MCPH1: variants seen among roughly 807,000 people sequenced by gnomAD.
The protein encoded by MCPH1 is microcephalin 1, also known as microcephalin.
A neutral mutation model predicts 84.5 loss-of-function variants in MCPH1; 104 were observed. That is an observed-to-expected ratio of 1.23 (90% CI 1.05 to 1.45). The LOEUF is 1.45. Ranked by LOEUF, MCPH1 falls within the 40% of genes most tolerant of loss-of-function variation. The pLI, the probability that MCPH1 is intolerant of heterozygous loss-of-function variation, is 0.00. For missense variants in MCPH1, 1,498 were observed against 1,005.7 expected (o/e 1.49, Z -6.62); for synonymous variants, 514 against 366.8 (o/e 1.40, Z -4.58).
At chr8:6,639,660 CTCTT>C (rs1402001428) in intron 13 of MCPH1, among the ~76,000 whole-genome samples, 1 of 147,212 alleles carries the variant, frequency 6.8e-6, no homozygotes, top group Non-Finnish European at 1.5e-5. Flanking sequence ...AAGATCCTGT[CTCTT>C]TAAAAAAAAA....
At chr8:6,446,923 G>A in intron 8 of MCPH1, 1 of 985,374 alleles carries the variant, frequency 1.0e-6, no homozygotes, top group South Asian at 4.7e-5. Context: ...AGTAGAAGGG[G>A]GTGAGGGGCC....
intron 4 of MCPH1, among the ~76,000 whole-genome samples, chr8:6,433,144 T>C (rs1297142616): frequency 1.3e-5 from 2 of 152,246 alleles, no homozygotes. Context: ...TACTCAGTTT[T>C]CTGTATTGCA....
At chr8:6,514,170 C>T (rs1431461764) in intron 12 of MCPH1, among the ~76,000 whole-genome samples, 1 of 152,098 alleles carries the variant, frequency 6.6e-6, no homozygotes, top group Non-Finnish European at 1.5e-5. Flanking sequence ...ATGCTGAGTC[C>T]ACCTTTAAAA....
At chr8:6,558,911 G>C (rs1033230561) in intron 12 of MCPH1, among the ~76,000 whole-genome samples, 1 of 151,806 alleles carries the variant, frequency 6.6e-6, no homozygotes, top group Non-Finnish European at 1.5e-5. Flanking sequence ...TATCGCATAA[G>C]AGATACAGTA....
At chr8:6,428,740 C>CGCAT (rs1801420200) in intron 3 of MCPH1, among the ~76,000 whole-genome samples, 3 of 144,234 alleles carry the variant, frequency 2.1e-5, no homozygotes, top group Non-Finnish European at 4.5e-5. Flanking sequence ...TGGACACGTG[C>CGCAT]GCACGCACAC....
At chr8:6,502,231 A>G (rs762033126) in intron 12 of MCPH1, 1 of 152,182 alleles carries the variant, frequency 6.6e-6, no homozygotes, top group African/African-American at 2.4e-5. Flanking sequence ...ACAAGGCACA[A>G]TTAGGTCTTT....
chr8:6,632,509 C>T (rs1176336243), intron 13 of MCPH1, among the ~76,000 whole-genome samples: 1 of 152,052 alleles, frequency 6.6e-6, no homozygotes, highest in Non-Finnish European at 1.5e-5. Flanking sequence ...CATTTGTAAA[C>T]AAGTACATAA....
chr8:6,562,616 G>T, intron 12 of MCPH1: 1 of 1,197,468 alleles, frequency 8.4e-7, no homozygotes, highest in Non-Finnish European at 1.1e-6. Context: ...TTAATAGCAT[G>T]TTCACAAAGA....
chr8:6,540,510 A>T (rs1473841577), intron 12 of MCPH1, among the ~76,000 whole-genome samples: 1 of 152,244 alleles, frequency 6.6e-6, no homozygotes, highest in African/African-American at 2.4e-5. Flanking sequence ...GTGAGCGTGC[A>T]GCCTCATGGC....
chr8:6,643,282 T>C lies in MCPH1; in HGVS notation c.*233T>C. 1.9e-6 allele frequency: 1 copy of C among 536,164 alleles called. No individual in the cohort carries two copies. The highest frequency in any genetic ancestry group is 3.2e-5 in the Admixed American group (1 of 31,538). The allele number at this position is 536,164 out of a possible 1,614,324, so 33.2% of individuals were successfully genotyped here. On this transcript the variant is annotated 3_prime_UTR_variant, in exon 14 of 14. Transcript: ENST00000344683. ...TATTTTTATTTTATTTTTTATTTTT[T>C]GAGACGGAGTCCTGCCCTGTTTCCC... is the stretch of plus-strand genomic sequence containing the variant.
chr8:6,590,246 C>G (rs1828344840), intron 12 of MCPH1, among the ~76,000 whole-genome samples: 1 of 151,398 alleles, frequency 6.6e-6, no homozygotes. Flanking sequence ...AATCATTACA[C>G]ATAGAAATAA....
At chr8:6,594,220 A>T (rs993434821) in intron 12 of MCPH1, among the ~76,000 whole-genome samples, 1 of 152,220 alleles carries the variant, frequency 6.6e-6, no homozygotes, top group Non-Finnish European at 1.5e-5. Context: ...AGCATTCCTT[A>T]TGCTGGTCCT....
At chr8:6,421,907 C>A (rs1019025438) in intron 3 of MCPH1, among the ~76,000 whole-genome samples, 1 of 152,194 alleles carries the variant, frequency 6.6e-6, no homozygotes, top group African/African-American at 2.4e-5. Context: ...AGTTCTTGGC[C>A]TGTGCTGAGA....
intron 9 of MCPH1, among the ~76,000 whole-genome samples, chr8:6,470,819 G>C (rs1002152835): frequency 6.6e-6 from 1 of 152,204 alleles, no homozygotes; most frequent in African/African-American, 2.4e-5. Context: ...ATGTAAAGAG[G>C]GTTGTTAAAC....
chr8:6,590,314 G>A (rs1045848997), intron 12 of MCPH1, among the ~76,000 whole-genome samples: 1 of 152,104 alleles, frequency 6.6e-6, no homozygotes, highest in South Asian at 2.1e-4. Context: ...TGTCCTAAAT[G>A]TGCGTTGGCC....
intron 3 of MCPH1, among the ~76,000 whole-genome samples, chr8:6,421,804 C>G (rs764760469): frequency 6.6e-6 from 1 of 152,160 alleles, no homozygotes; most frequent in Non-Finnish European, 1.5e-5. Context: ...TGGTCCCCTT[C>G]CCTTCCATTG....
At chr8:6,481,187 A>T (rs1809189856) in intron 11 of MCPH1, among the ~76,000 whole-genome samples, 1 of 152,206 alleles carries the variant, frequency 6.6e-6, no homozygotes, top group Non-Finnish European at 1.5e-5. Flanking sequence ...TCTCACAGTC[A>T]AAGAGCTTTC....
chr8:6,505,164 C>T (rs1443035236), intron 12 of MCPH1, among the ~76,000 whole-genome samples: 1 of 66,320 alleles, frequency 1.5e-5, no homozygotes, highest in Non-Finnish European at 3.7e-5. Context: ...AATAAAAACT[C>T]TATGCCAAAG....
Position 6,559,230 on chromosome 8 carries a change from A to AACAC in MCPH1, c.2214+59329_2214+59332dup, listed in dbSNP as rs59299448. Among the ~76,000 whole-genome samples the AACAC allele has an allele frequency of 8.2e-3, 1,206 of 146,712 alleles. 8 individuals are homozygous for AACAC. Among genetic ancestry groups the AACAC allele is most frequent in the Middle Eastern group, 0.014 (4 of 290 alleles). On this transcript the variant is annotated intron_variant, in intron 12 of 13. Transcript: ENST00000344683. ...TGAGTGTTTTGTAGCCACACACGACAACACACACACACACACACACACACA... is the reference window on the plus strand; with the variant it reads ...TGAGTGTTTTGTAGCCACACACGACAACACACACACACACACACACACACACACA...
Sources: allele counts gnomAD v4.1 joint callset (sites outside exome capture counted in the v4.1 genomes callset), GRCh38; gene constraint gnomAD v4.1.1; transcripts MANE v1.5; gene names NCBI Gene and HGNC (gene_info 2026-07-23, HGNC 2026-07-21).